The following SUGCT variants were observed in gnomAD, a reference collection of about 807,000 sequenced individuals.
The protein encoded by SUGCT is succinyl-CoA:glutarate CoA-transferase.
In SUGCT, 41 loss-of-function variants were observed where a neutral mutation model predicts 55.0. That is an observed-to-expected ratio of 0.74 (90% confidence interval 0.58 to 0.97). The LOEUF is 0.97. Among genes scored for constraint, SUGCT ranks in the 50% least tolerant of loss-of-function variants. The pLI is 0.00. For synonymous variants in SUGCT, 187 were observed against 200.4 expected (o/e 0.93, Z 0.56); for missense variants, 568 against 547.8 (o/e 1.04, Z -0.37).
intron 12 of SUGCT, among the ~76,000 whole-genome samples, chr7:40,498,670 G>A (rs1473742844): frequency 6.6e-6 from 1 of 152,200 alleles, no homozygotes; most frequent in Non-Finnish European, 1.5e-5. Context: ...GTGTAAAATG[G>A]TGAAATAGCA....
chr7:40,453,622 T>A (rs543293308), intron 10 of SUGCT, among the ~76,000 whole-genome samples: 3 of 152,208 alleles, frequency 2.0e-5, no homozygotes, highest in African/African-American at 7.2e-5. Flanking sequence ...AAAATGAGAA[T>A]CAAAGCCCAC....
At chr7:40,919,803 A>G in the SUGCT span, among the ~76,000 whole-genome samples, 16 of 152,074 alleles carry the variant, frequency 1.1e-4, no homozygotes, top group African/African-American at 3.6e-4. Flanking sequence ...ACAACTCCCA[A>G]TTACCTGACA....
At chr7:40,461,310 G>T (rs1789785452) in intron 11 of SUGCT, among the ~76,000 whole-genome samples, 1 of 152,054 alleles carries the variant, frequency 6.6e-6, no homozygotes, top group South Asian at 2.1e-4. Context: ...AAATATTAGT[G>T]GTGCTTCATA....
At chr7:40,265,835 C>T (rs1791533378) in intron 7 of SUGCT, among the ~76,000 whole-genome samples, 1 of 152,122 alleles carries the variant, frequency 6.6e-6, no homozygotes, top group Non-Finnish European at 1.5e-5. Context: ...CCTGTAATCC[C>T]AGATACTTGG....
chr7:41,038,028 G>T, the SUGCT span, among the ~76,000 whole-genome samples: 16 of 152,236 alleles, frequency 1.1e-4, no homozygotes, highest in Non-Finnish European at 2.1e-4. Flanking sequence ...CCCTGCAAGC[G>T]GGGGAAGAGT....
chr7:40,429,575 A>T (rs1418275571), intron 9 of SUGCT, among the ~76,000 whole-genome samples: 1 of 152,188 alleles, frequency 6.6e-6, no homozygotes, highest in Non-Finnish European at 1.5e-5. Context: ...ATGTTTGACG[A>T]CAGGAAGCAT....
At chr7:40,491,370 A>G (rs1317275300) in intron 11 of SUGCT, among the ~76,000 whole-genome samples, 2 of 152,220 alleles carry the variant, frequency 1.3e-5, no homozygotes, top group African/African-American at 4.8e-5. Context: ...AATTGTATCT[A>G]AGTTGTAAGA....
intron 9 of SUGCT, among the ~76,000 whole-genome samples, chr7:40,363,124 T>C (rs951014914): frequency 1.3e-5 from 2 of 152,142 alleles, no homozygotes; most frequent in African/African-American, 2.4e-5. Flanking sequence ...TATTCTCTGA[T>C]GGTAGTTTGT....
chr7:40,951,300 G>A, the SUGCT span, among the ~76,000 whole-genome samples: 8 of 152,102 alleles, frequency 5.3e-5, no homozygotes, highest in African/African-American at 1.9e-4. Context: ...AGGATCGGTG[G>A]TGATATCCTA....
At chr7:40,284,594 C>T (rs1467621366) in intron 8 of SUGCT, among the ~76,000 whole-genome samples, 1 of 115,756 alleles carries the variant, frequency 8.6e-6, no homozygotes, top group Non-Finnish European at 1.6e-5. Context: ...GATGACAGAG[C>T]AAGATTCCAT....
chr7:40,727,140 T>A (rs1389212931), intron 12 of SUGCT, among the ~76,000 whole-genome samples: 2 of 152,224 alleles, frequency 1.3e-5, no homozygotes, highest in African/African-American at 2.4e-5. Flanking sequence ...TATACAAGGA[T>A]TTCTTGACCT....
Position 40,368,902 on chromosome 7 carries a change from G to A in SUGCT, c.816+52047G>A, listed in dbSNP as rs370511534. On this transcript the variant is annotated intron_variant, in intron 9 of 13. Coordinates refer to ENST00000335693, the MANE Select transcript of SUGCT (RefSeq NM_001193313.2). Reference sequence around the variant, plus strand: ...GCGAATCACCTGAGGTCAGGAGTTCGAGACCAGCCTGGCCAACATGGCAAA... The same window carrying A: ...GCGAATCACCTGAGGTCAGGAGTTCAAGACCAGCCTGGCCAACATGGCAAA... 2.0e-3 allele frequency among the ~76,000 whole-genome samples: 305 copies of A among 152,074 alleles called. 12 individuals carry two copies. The South Asian group carries it at 0.059, about 29-fold the overall frequency.
chr7:40,999,837 A>G, the SUGCT span, among the ~76,000 whole-genome samples: 2 of 152,232 alleles, frequency 1.3e-5, no homozygotes, highest in African/African-American at 4.8e-5. Flanking sequence ...CTTTGGCATA[A>G]AGATAAATAA....
At chr7:40,497,543 A>T (rs1317980494) in intron 12 of SUGCT, among the ~76,000 whole-genome samples, 1 of 152,174 alleles carries the variant, frequency 6.6e-6, no homozygotes, top group African/African-American at 2.4e-5. Flanking sequence ...GTACTATGTG[A>T]ATTCATCTGA....
At chr7:40,919,782 A>G in the SUGCT span, among the ~76,000 whole-genome samples, 4 of 152,144 alleles carry the variant, frequency 2.6e-5, no homozygotes, top group Non-Finnish European at 5.9e-5. Flanking sequence ...TTACTTGTGT[A>G]ATACTTTTCC....
At chr7:40,415,072 CT>C (rs1786909715) in intron 9 of SUGCT, among the ~76,000 whole-genome samples, 2 of 135,022 alleles carry the variant, frequency 1.5e-5, no homozygotes, top group African/African-American at 5.6e-5. Flanking sequence ...ATCTATCTAT[CT>C]ATCTATCTAT....
intron 12 of SUGCT, among the ~76,000 whole-genome samples, chr7:40,590,992 T>G (rs1363894571): frequency 2.6e-5 from 4 of 151,988 alleles, no homozygotes; most frequent in African/African-American, 9.7e-5. Flanking sequence ...GTAGGGAAAT[T>G]AATATTGCTT....
intron 1 of SUGCT, among the ~76,000 whole-genome samples, chr7:40,165,740 C>G (rs1435962168): frequency 2.6e-5 from 4 of 151,910 alleles, no homozygotes; most frequent in Non-Finnish European, 4.4e-5. Flanking sequence ...ATATGTTTAT[C>G]TTTTCTTGTT....
chr7:40,189,009 G>C (rs1234604495), intron 4 of SUGCT, among the ~76,000 whole-genome samples: 1 of 151,890 alleles, frequency 6.6e-6, no homozygotes, highest in Non-Finnish European at 1.5e-5. Context: ...AAATTTAAGA[G>C]GATGATCTAT....
Sources: allele counts gnomAD v4.1 joint callset (sites outside exome capture counted in the v4.1 genomes callset), GRCh38; gene constraint gnomAD v4.1.1; transcripts MANE v1.5; gene names NCBI Gene and HGNC (gene_info 2026-07-23, HGNC 2026-07-21).